AGBL4: variants seen among roughly 807,000 people sequenced by gnomAD.
AGBL4 encodes cytosolic carboxypeptidase 6.
AGBL4 carries 58 observed loss-of-function variants against 66.4 expected under a neutral mutation model. That is an observed-to-expected ratio of 0.87 (90% CI 0.71 to 1.09). The LOEUF is 1.09. Among genes scored for constraint, AGBL4 ranks in the 50% least tolerant of loss-of-function variants. The pLI is 0.00. For synonymous variants in AGBL4, 234 were observed against 222.9 expected (o/e 1.05, Z -0.44); for missense variants, 579 against 631.0 (o/e 0.92, Z 0.88).
intron 3 of AGBL4, among the ~76,000 whole-genome samples, chr1:49,314,878 C>CT (rs1312134517): frequency 1.3e-5 from 2 of 152,110 alleles, no homozygotes; most frequent in Non-Finnish European, 2.9e-5. Context: ...TTCTCCAGAT[C>CT]TTCTCCAGCA....
intron 2 of AGBL4, among the ~76,000 whole-genome samples, chr1:49,764,832 C>G (rs901922546): frequency 6.6e-6 from 1 of 152,196 alleles, no homozygotes; most frequent in Non-Finnish European, 1.5e-5. Context: ...CATGGAGAGT[C>G]GCAAAAATAG....
chr1:49,334,220 TGAA>T (rs1645390563), intron 3 of AGBL4, among the ~76,000 whole-genome samples: 1 of 130,738 alleles, frequency 7.6e-6, no homozygotes, highest in South Asian at 2.1e-4. Context: ...ATAAGGAAAC[TGAA>T]GCATAACAAA....
At chr1:48,801,555 T>G (rs747691162) in intron 6 of AGBL4, among the ~76,000 whole-genome samples, 7 of 152,314 alleles carry the variant, frequency 4.6e-5, no homozygotes, top group Admixed American at 2.6e-4. Context: ...TTTTTCTACT[T>G]TAATATCTTG....
chr1:49,555,350 G>A (rs1051270400), intron 3 of AGBL4, among the ~76,000 whole-genome samples: 13 of 143,904 alleles, frequency 9.0e-5, no homozygotes, highest in Non-Finnish European at 1.8e-4. Flanking sequence ...GCTAGACACA[G>A]AGTGCTGATT....
chr1:49,045,171 C>T (rs1320807578), intron 5 of AGBL4, among the ~76,000 whole-genome samples: 1 of 152,324 alleles, frequency 6.6e-6, no homozygotes, highest in East Asian at 1.9e-4. Flanking sequence ...GTTTGGTTCA[C>T]TAAGAAATGT....
At chr1:49,617,955 T>C (rs1645281003) in intron 3 of AGBL4, among the ~76,000 whole-genome samples, 1 of 152,110 alleles carries the variant, frequency 6.6e-6, no homozygotes, top group South Asian at 2.1e-4. Flanking sequence ...GCTGAACCCA[T>C]CAACCCGTCT....
intron 3 of AGBL4, among the ~76,000 whole-genome samples, chr1:49,528,121 A>G (rs1650811797): frequency 1.3e-5 from 2 of 152,068 alleles, no homozygotes; most frequent in South Asian, 4.1e-4. Context: ...GATGACTAAT[A>G]TGATGCACAG....
intron 3 of AGBL4, among the ~76,000 whole-genome samples, chr1:49,389,878 T>A: frequency 6.6e-6 from 1 of 152,158 alleles, no homozygotes; most frequent in South Asian, 2.1e-4. Context: ...CTAGCTTGAC[T>A]TACATAAAGG....
intron 5 of AGBL4, among the ~76,000 whole-genome samples, chr1:49,005,259 C>T (rs1393692118): frequency 6.6e-6 from 1 of 152,192 alleles, no homozygotes; most frequent in Non-Finnish European, 1.5e-5. Context: ...ATACAGTAGT[C>T]CCTACTTATC....
chr1:49,335,640 C>T (rs1055540212), intron 3 of AGBL4, among the ~76,000 whole-genome samples: 2 of 152,002 alleles, frequency 1.3e-5, no homozygotes, highest in East Asian at 3.9e-4. Context: ...CTCAGCTTCC[C>T]GAGTAGCTGG....
intron 9 of AGBL4, among the ~76,000 whole-genome samples, chr1:48,632,118 G>A (rs1454890211): frequency 1.3e-5 from 2 of 152,178 alleles, no homozygotes; most frequent in African/African-American, 2.4e-5. Context: ...AGGAGAGAGA[G>A]AGTGGGGAAA....
intron 3 of AGBL4, among the ~76,000 whole-genome samples, chr1:49,297,159 C>T (rs1644659492): frequency 6.6e-6 from 1 of 152,214 alleles, no homozygotes; most frequent in Non-Finnish European, 1.5e-5. Context: ...CATTGTCTCA[C>T]ATCTGGCCAA....
intron 3 of AGBL4, among the ~76,000 whole-genome samples, chr1:49,507,834 G>A (rs186855582): frequency 1.3e-3 from 196 of 151,610 alleles, no homozygotes; most frequent in African/African-American, 4.5e-3. Flanking sequence ...CCAAGAGCTG[G>A]GAAATATGAT....
intron 3 of AGBL4, among the ~76,000 whole-genome samples, chr1:49,396,975 C>G (rs1644987516): frequency 6.6e-6 from 1 of 152,144 alleles, no homozygotes; most frequent in Non-Finnish European, 1.5e-5. Context: ...CAGGGTGATT[C>G]AAGTAGATTC....
chr1:48,627,083 ACT>A (rs1335084188), intron 9 of AGBL4, among the ~76,000 whole-genome samples: 4 of 151,296 alleles, frequency 2.6e-5, no homozygotes, highest in African/African-American at 9.7e-5. Context: ...CCACAAAAAG[ACT>A]CTCCTCTGGG....
chr1:49,845,846 G>A (rs1270109404), intron 2 of AGBL4: 1 of 1,462,534 alleles, frequency 6.8e-7, no homozygotes, highest in African/African-American at 1.4e-5. Context: ...TGCAGTCAGT[G>A]TGGGAAGGCC....
intron 5 of AGBL4, among the ~76,000 whole-genome samples, chr1:48,896,168 G>C (rs917759898): frequency 6.6e-6 from 1 of 152,088 alleles, no homozygotes; most frequent in Non-Finnish European, 1.5e-5. Context: ...CAGGCCCCTA[G>C]GTACTCCCCC....
At chr1:48,692,193 C>A (rs964344370) in intron 6 of AGBL4, among the ~76,000 whole-genome samples, 4 of 152,130 alleles carry the variant, frequency 2.6e-5, no homozygotes, top group African/African-American at 9.7e-5. Flanking sequence ...GTGTGAGAGA[C>A]CCTTTACCAA....
intron 6 of AGBL4, among the ~76,000 whole-genome samples, chr1:48,769,786 T>C (rs559233223): frequency 1.4e-4 from 21 of 152,304 alleles, no homozygotes; most frequent in Admixed American, 1.2e-3. Context: ...CAGTGGGCAA[T>C]TACTATCTCC....
Sources: gnomAD v4.1 joint callset for allele counts (sites outside exome capture counted in the v4.1 genomes callset) on GRCh38, gnomAD v4.1.1 for gene constraint, MANE v1.5 for transcripts, NCBI Gene and HGNC (gene_info 2026-07-23, HGNC 2026-07-21) for gene names.